GALNTL6: variants seen among roughly 807,000 people sequenced by gnomAD.
The protein encoded by GALNTL6 is polypeptide N-acetylgalactosaminyltransferase-like 6.
In GALNTL6, 46 loss-of-function variants were observed where a neutral mutation model predicts 73.7. The observed-to-expected ratio is 0.62, with a 90% CI of 0.49 to 0.80. The LOEUF (loss-of-function observed/expected upper bound fraction) is 0.80. GALNTL6 is among the 30% of genes least tolerant of loss of function. The pLI, the probability that GALNTL6 is intolerant of heterozygous loss-of-function variation, is 0.00. For missense variants in GALNTL6, 604 were observed against 755.0 expected, an observed-to-expected ratio of 0.80 and a Z score of 2.34; for synonymous variants, 259 against 263.7, an observed-to-expected ratio of 0.98 and a Z score of 0.17.
chr4:171,981,827 T>C (rs1025070905), intron 2 of GALNTL6, among the ~76,000 whole-genome samples: 8 of 151,996 alleles, frequency 5.3e-5, no homozygotes, highest in Non-Finnish European at 1.0e-4. Flanking sequence ...AGGAAATTAT[T>C]CTCAATGATT....
chr4:172,608,901 T>G (rs1200696413), intron 5 of GALNTL6, among the ~76,000 whole-genome samples: 1 of 152,184 alleles, frequency 6.6e-6, no homozygotes. Context: ...TAGATGAGAT[T>G]GCATTCTTAA....
intron 2 of GALNTL6, among the ~76,000 whole-genome samples, chr4:172,076,509 T>A (rs114524951): frequency 0.021 from 3,192 of 152,268 alleles, 103 homozygotes; most frequent in African/African-American, 0.07. Context: ...AAACATAAGA[T>A]TCAAGTTAGT....
intron 5 of GALNTL6, among the ~76,000 whole-genome samples, chr4:172,794,866 ACT>A (rs551181185): frequency 2.5e-4 from 38 of 152,036 alleles, no homozygotes; most frequent in Non-Finnish European, 5.0e-4. Flanking sequence ...CGTCCCTTTC[ACT>A]CTGAGTCTAA....
chr4:172,826,479 C>T (rs1189206950), intron 7 of GALNTL6, among the ~76,000 whole-genome samples: 1 of 152,212 alleles, frequency 6.6e-6, no homozygotes, highest in Non-Finnish European at 1.5e-5. Context: ...CAACCCCCAG[C>T]CCTAAGGATA....
chr4:172,376,533 G>A (rs1185197159), intron 5 of GALNTL6, among the ~76,000 whole-genome samples: 1 of 152,204 alleles, frequency 6.6e-6, no homozygotes, highest in East Asian at 1.9e-4. Flanking sequence ...TTGTTAGACA[G>A]CCCTTTCTCA....
intron 5 of GALNTL6, among the ~76,000 whole-genome samples, chr4:172,593,949 T>C (rs1174325043): frequency 6.6e-6 from 1 of 152,162 alleles, no homozygotes; most frequent in Non-Finnish European, 1.5e-5. Context: ...AAAAAATTAC[T>C]ATTCCAGCTT....
At chr4:172,368,490 A>G (rs1316554887) in intron 5 of GALNTL6, among the ~76,000 whole-genome samples, 1 of 152,210 alleles carries the variant, frequency 6.6e-6, no homozygotes. Flanking sequence ...AATACCTCAC[A>G]TCACCTTTAA....
At chr4:172,791,954 A>G (rs1291495438) in intron 5 of GALNTL6, among the ~76,000 whole-genome samples, 1 of 152,236 alleles carries the variant, frequency 6.6e-6, no homozygotes, top group Non-Finnish European at 1.5e-5. Flanking sequence ...GTTAGAAACC[A>G]TAACAAGCTC....
intron 5 of GALNTL6, among the ~76,000 whole-genome samples, chr4:172,688,436 T>C (rs181439274): frequency 6.6e-6 from 1 of 152,310 alleles, no homozygotes; most frequent in East Asian, 1.9e-4. Context: ...TTGCTCAGGT[T>C]TTCTTCTTGA....
intron 8 of GALNTL6, among the ~76,000 whole-genome samples, chr4:172,910,179 C>G (rs1747125382): frequency 6.6e-6 from 1 of 151,864 alleles, no homozygotes; most frequent in Admixed American, 6.6e-5. Context: ...CATAGATGTC[C>G]TCATGAATCC....
intron 2 of GALNTL6, among the ~76,000 whole-genome samples, chr4:172,038,305 G>A (rs1741994141): frequency 6.7e-6 from 1 of 148,406 alleles, no homozygotes; most frequent in African/African-American, 2.4e-5. Flanking sequence ...CCTAAACATC[G>A]GTATTTGTGA....
chr4:171,878,303 A>G (rs1416293339), intron 2 of GALNTL6, among the ~76,000 whole-genome samples: 1 of 152,226 alleles, frequency 6.6e-6, no homozygotes, highest in Non-Finnish European at 1.5e-5. Context: ...TAGTAACTTT[A>G]TAGACTTGTG....
intron 5 of GALNTL6, among the ~76,000 whole-genome samples, chr4:172,772,417 C>T (rs778127492): frequency 1.3e-5 from 2 of 152,086 alleles, no homozygotes; most frequent in Non-Finnish European, 2.9e-5. Flanking sequence ...TAAAAAATAG[C>T]TATAGATCTA....
At chr4:172,383,368 T>G (rs1386543638) in intron 5 of GALNTL6, among the ~76,000 whole-genome samples, 2 of 152,196 alleles carry the variant, frequency 1.3e-5, no homozygotes, top group Non-Finnish European at 2.9e-5. Flanking sequence ...TTTTGTGCTA[T>G]TATAAATAAA....
intron 2 of GALNTL6, among the ~76,000 whole-genome samples, chr4:171,917,427 T>G (rs1340977871): frequency 6.6e-6 from 1 of 152,122 alleles, no homozygotes; most frequent in Non-Finnish European, 1.5e-5. Flanking sequence ...GTCATCTTAA[T>G]AAGACTAAGT....
At chr4:172,086,852 A>T (rs1732047455) in intron 2 of GALNTL6, among the ~76,000 whole-genome samples, 1 of 152,206 alleles carries the variant, frequency 6.6e-6, no homozygotes, top group Admixed American at 6.5e-5. Flanking sequence ...AAATTTTGAC[A>T]GATTATGGGT....
At chr4:172,736,700 A>G (rs908739110) in intron 5 of GALNTL6, among the ~76,000 whole-genome samples, 4 of 152,248 alleles carry the variant, frequency 2.6e-5, no homozygotes, top group Non-Finnish European at 5.9e-5. Context: ...GATTGCAGTA[A>G]AGACAGGTGT....
At chr4:172,484,649 C>A (rs570544222) in intron 5 of GALNTL6, among the ~76,000 whole-genome samples, 2 of 152,092 alleles carry the variant, frequency 1.3e-5, no homozygotes, top group Non-Finnish European at 2.9e-5. Flanking sequence ...AGCAGTAGCA[C>A]CTTATTAAGT....
At position 172,739,932 on chromosome 4, in the gene GALNTL6, A is replaced by C. The variant is rs138890460; in HGVS notation, c.554-69429A>C. Among the ~76,000 whole-genome samples, 3 of 146,040 alleles carry C rather than the reference A, an allele frequency of 2.1e-5. No homozygotes were observed. In the East Asian group the frequency reaches 6.2e-4, roughly 30 times the overall value. ...TGAAAAAGAGCAGAGCTGTTCAAGA[A>C]ATGATACATTAAAAAAAAAAACTTA... On this transcript the variant is annotated intron_variant, in intron 5 of 12. Transcript: ENST00000506823.
Sources: allele counts gnomAD v4.1 joint callset (sites outside exome capture counted in the v4.1 genomes callset), GRCh38; gene constraint gnomAD v4.1.1; transcripts MANE v1.5; gene names NCBI Gene and HGNC (gene_info 2026-07-23, HGNC 2026-07-21).